The following TSPAN31 variants were observed in gnomAD, a reference collection of about 807,000 sequenced individuals.
The protein encoded by TSPAN31 is tetraspanin 31, also known as tetraspanin-31.
In TSPAN31, 16 loss-of-function variants were observed where a neutral mutation model predicts 24.8. The ratio of observed to expected loss-of-function variants is 0.64; its 90% CI spans 0.44 to 0.98. TSPAN31 has a LOEUF of 0.98. Among genes scored for constraint, TSPAN31 ranks in the 50% least tolerant of loss-of-function variants. The pLI, the probability that TSPAN31 is intolerant of heterozygous loss-of-function variation, is 0.00. For synonymous variants in TSPAN31, 87 were observed against 91.4 expected, an observed-to-expected ratio of 0.95 and a Z score of 0.27; for missense variants, 209 against 251.6, an observed-to-expected ratio of 0.83 and a Z score of 1.15.
At position 57,746,626 on chromosome 12, in the gene TSPAN31, A is replaced by G; in HGVS notation, c.350A>G (p.Asn117Ser). The G allele has an allele frequency of 6.2e-7, 1 of 1,614,212 alleles. No individual in the cohort carries two copies. Among genetic ancestry groups the G allele is most frequent in the Non-Finnish European group, 8.5e-7 (1 of 1,180,046 alleles). Residue 117 changes from asparagine (N) to serine (S), a missense_variant, in exon 4 of 6, where the codon AAC becomes AGC. Asn to Ser is a conservative substitution (Grantham distance 46, BLOSUM62 1). Coordinates refer to ENST00000257910, the MANE Select transcript of TSPAN31 (RefSeq NM_005981.5). ...AATGCTTCTTGGTGGGTCATGAGCA[A>G]CAAGACTCGGGATGAACTGGAAAGA... ...VINASWWVMSNKTRDELERSF... is the reference protein window; with the variant it reads ...VINASWWVMSSKTRDELERSF...
rs1955211741 is a variant in TSPAN31, at chr12:57,749,827, T to C, written c.*2537T>C. On this transcript the variant is annotated 3_prime_UTR_variant, in exon 6 of 6. Coordinates refer to ENST00000257910, the MANE Select transcript of TSPAN31 (RefSeq NM_005981.5). ...TCCTGGCCAACATGGTGAAACCCTG[T>C]CATTACTAAAAGTACAAAAATTAGC... The C allele has an allele frequency of 5.1e-6, 2 of 395,382 alleles. No homozygotes were observed. Among genetic ancestry groups the C allele is most frequent in the African/African-American group, 4.1e-5 (2 of 48,802 alleles). The allele number at this position is 395,382 out of a possible 1,614,324, so 24.5% of individuals were successfully genotyped here. A position where few individuals can be genotyped will look rare whatever the true frequency, so the allele number is the denominator to read the frequency against.
intron 4 of TSPAN31, 146 bp from the exon 5 acceptor site, chr12:57,746,872 T>C: frequency 1.5e-6 from 2 of 1,358,590 alleles, no homozygotes; most frequent in Non-Finnish European, 1.0e-6. Context: ...TGGGGGTGGA[T>C]AGAGGCTGGG....
rs2140382614 is a variant in TSPAN31, at chr12:57,749,184, G to C, written c.*1894G>C. 1 of 1,613,982 alleles carries C rather than the reference G, an allele frequency of 6.2e-7. No homozygotes were observed. Among genetic ancestry groups the C allele is most frequent in the Non-Finnish European group, 8.5e-7 (1 of 1,179,856 alleles). ...GTGCCCACAGCCATCTCCAGTACCAGCAGCAGCTGTGCTCCCGACTCCTCC... is the reference window on the plus strand; with the variant it reads ...GTGCCCACAGCCATCTCCAGTACCACCAGCAGCTGTGCTCCCGACTCCTCC... On this transcript the variant is annotated 3_prime_UTR_variant, in exon 6 of 6. Coordinates refer to ENST00000257910, the MANE Select transcript of TSPAN31 (RefSeq NM_005981.5).
chr12:57,748,975 G>A lies in TSPAN31; in HGVS notation c.*1685G>A. On this transcript the variant is annotated 3_prime_UTR_variant, in exon 6 of 6. Transcript: ENST00000257910. ...CCCACCTTGGCCTCCCAAAGTGCTG[G>A]GATTACAGGCGTGAGCCACCGTGCC... 1.5e-6 allele frequency: 1 copy of A among 663,930 alleles called. No individual in the cohort carries two copies. The allele number at this position is 663,930 out of a possible 1,614,324, so 41.1% of individuals were successfully genotyped here. A position where few individuals can be genotyped will look rare whatever the true frequency, so the allele number is the denominator to read the frequency against.
At position 57,748,702 on chromosome 12, in the gene TSPAN31, TTTTTTC is replaced by T. The variant is rs779738316; in HGVS notation, c.*1418_*1423del. The T allele has an allele frequency of 1.7e-5, 15 of 898,576 alleles. No individual in the cohort carries two copies. Among genetic ancestry groups the T allele is most frequent in the Non-Finnish European group, 2.5e-5 (14 of 553,222 alleles). 55.7% of individuals were successfully genotyped at this position (898,576 alleles called of 1,614,324 possible). ...ACAATACCTGGGATGAGCTTTCTTC[TTTTTTC>T]TTTTTTTTTTTTTTTGAGACGGAGT... On this transcript the variant is annotated 3_prime_UTR_variant, in exon 6 of 6. Transcript: ENST00000257910.
In TSPAN31 at chr12:57,745,900, CCTG is replaced by C; in HGVS notation, c.223_225del (p.Leu75del). Reference sequence around the variant, plus strand: ...TGGGTGCTGTCAACCACCACCAAGTCCTGCTGTTCTTTGTATCCTGACCTGAAG... The same window carrying C: ...TGGGTGCTGTCAACCACCACCAAGTCCTGTTCTTTGTATCCTGACCTGAAG... On this transcript the variant is annotated inframe_deletion, in exon 2 of 6. Coordinates refer to ENST00000257910, the MANE Select transcript of TSPAN31 (RefSeq NM_005981.5). 6.2e-7 allele frequency: 1 copy of C among 1,605,130 alleles called. No homozygotes were observed.
intron 1 of TSPAN31, 190 bp from the exon 2 acceptor site, chr12:57,745,555 G>A (rs1194013842): frequency 1.5e-6 from 1 of 674,518 alleles, no homozygotes; most frequent in Non-Finnish European, 2.5e-6. Flanking sequence ...CCCCCTCCCC[G>A]CCATCCTAGC....
In TSPAN31 at chr12:57,748,260, T is replaced by A; in HGVS notation, c.*970T>A. 2.5e-6 allele frequency: 1 copy of A among 405,124 alleles called. No homozygotes were observed. The highest frequency in any genetic ancestry group is 4.6e-6 in the Non-Finnish European group (1 of 219,682). 25.1% of individuals were successfully genotyped at this position (405,124 alleles called of 1,614,324 possible). ...AGACCATTATTTCTTTGTTTTGTTT[T>A]TCCTGTATAAAAAAGGACCCCAAAT... On this transcript the variant is annotated 3_prime_UTR_variant, in exon 6 of 6. Transcript: ENST00000257910.
Position 57,747,296 on chromosome 12 carries a change from T to C in TSPAN31, c.*6T>C, listed in dbSNP as rs200277218. 1.9e-6 allele frequency: 3 copies of C among 1,613,580 alleles called. No individual in the cohort carries two copies. The highest frequency in any genetic ancestry group is 1.1e-5 in the South Asian group (1 of 91,082). ...ACCCCAGTGCCTTTCTATGAGACTT[T>C]GGATCCTTCTGACTTTTCTTCTGCT... On this transcript the variant is annotated 3_prime_UTR_variant, in exon 6 of 6. Transcript: ENST00000257910.
rs775883099 is a variant in TSPAN31, at chr12:57,745,786, G to A, written c.105G>A (p.Lys35=). The A allele has an allele frequency of 3.7e-6, 6 of 1,613,470 alleles. No homozygotes were observed. Among genetic ancestry groups the A allele is most frequent in the Admixed American group, 1.7e-5 (1 of 59,670 alleles). The change falls in exon 2 of 6, where the codon AAG becomes AAA. Residue 35 remains lysine, a synonymous_variant. Coordinates refer to ENST00000257910, the MANE Select transcript of TSPAN31 (RefSeq NM_005981.5). ...LLLIGVAAWG[K]GLGLVSSIHI... ...TCATTGGAGTGGCTGCTTGGGGCAA[G>A]GGCCTGGGTCTGGTGTCCAGCATCC... is the stretch of plus-strand genomic sequence containing the variant.
chr12:57,746,630 G>C lies in TSPAN31; in HGVS notation c.354G>C (p.Lys118Asn). The C allele has an allele frequency of 6.2e-7, 1 of 1,614,114 alleles. No individual in the cohort carries two copies. Among genetic ancestry groups the C allele is most frequent in the Non-Finnish European group, 8.5e-7 (1 of 1,180,026 alleles). ...INASWWVMSN[K>N]TRDELERSFD... ...CTTCTTGGTGGGTCATGAGCAACAA[G>C]ACTCGGGATGAACTGGAAAGAAGTT... Residue 118 changes from lysine to asparagine, a missense_variant, in exon 4 of 6, where the codon AAG becomes AAC. Physicochemically the swap from Lys to Asn is moderately conservative, Grantham distance 94. Transcript: ENST00000257910.
At chr12:57,745,308 G>A in intron 1 of TSPAN31, 91 bp downstream of exon 1, 1 of 1,409,874 alleles carries the variant, frequency 7.1e-7, no homozygotes, top group Non-Finnish European at 9.7e-7. Context: ...GGGGTGTATG[G>A]GGGTTCCGGG....
Position 57,748,862 on chromosome 12 carries a change from C to T in TSPAN31, c.*1572C>T. ...CTGAGATTACAGGCGTGTGCCACCA[C>T]CCCCGGCTTATTTTTGTACTTTTAG... On this transcript the variant is annotated 3_prime_UTR_variant, in exon 6 of 6. Transcript: ENST00000257910. 1 of 548,986 alleles carries T rather than the reference C, an allele frequency of 1.8e-6. No individual in the cohort carries two copies. The allele number at this position is 548,986 out of a possible 1,614,324, so 34.0% of individuals were successfully genotyped here.
chr12:57,749,228 T>A lies in TSPAN31; in HGVS notation c.*1938T>A. The A allele has an allele frequency of 1.2e-6, 2 of 1,614,052 alleles. No homozygotes were observed. Among genetic ancestry groups the A allele is most frequent in the Non-Finnish European group, 1.7e-6 (2 of 1,179,904 alleles). The stretch of plus-strand genomic sequence containing the variant: ...CTCCTCCATCTCAGGTACCACCGAC[T>A]GCACTGGGCGGGGCCCTCTGGGGGG... On this transcript the variant is annotated 3_prime_UTR_variant, in exon 6 of 6. Coordinates refer to ENST00000257910, the MANE Select transcript of TSPAN31 (RefSeq NM_005981.5).
At position 57,749,408 on chromosome 12, in the gene TSPAN31, G is replaced by C. The variant is rs756523031; in HGVS notation, c.*2118G>C. The C allele has an allele frequency of 2.5e-6, 4 of 1,613,292 alleles. No individual in the cohort carries two copies. Among genetic ancestry groups the C allele is most frequent in the African/African-American group, 1.3e-5 (1 of 75,044 alleles). On this transcript the variant is annotated 3_prime_UTR_variant, in exon 6 of 6. Transcript: ENST00000257910. ...GTTGCCATCCTGGGTTCAGCAGAAAGAGGACTCAGAATAGAAAATCTTTTT... is the reference window on the plus strand; with the variant it reads ...GTTGCCATCCTGGGTTCAGCAGAAACAGGACTCAGAATAGAAAATCTTTTT...
chr12:57,749,218 TACCACCG>T lies in TSPAN31; in HGVS notation c.*1931_*1937del. ...GTGCTCCCGACTCCTCCATCTCAGG[TACCACCG>T]ACTGCACTGGGCGGGGCCCTCTGGG... On this transcript the variant is annotated 3_prime_UTR_variant, in exon 6 of 6. Transcript: ENST00000257910. 1 of 1,613,976 alleles carries T rather than the reference TACCACCG, an allele frequency of 6.2e-7. No homozygotes were observed. The highest frequency in any genetic ancestry group is 8.5e-7 in the Non-Finnish European group (1 of 1,179,868).
rs894805872 is a variant in TSPAN31, at chr12:57,748,803, T to G, written c.*1513T>G. 1 of 588,916 alleles carries G rather than the reference T, an allele frequency of 1.7e-6. No homozygotes were observed. Among genetic ancestry groups the G allele is most frequent in the Non-Finnish European group, 3.0e-6 (1 of 330,438 alleles). 36.5% of individuals were successfully genotyped at this position (588,916 alleles called of 1,614,324 possible). A position where few individuals can be genotyped will look rare whatever the true frequency, so the allele number is the denominator to read the frequency against. The stretch of plus-strand genomic sequence containing the variant: ...TCACTGCAACCTCCGCCTCCTGAGT[T>G]GAAGTGATTCTCCTATCTCAGCCTC... On this transcript the variant is annotated 3_prime_UTR_variant, in exon 6 of 6. Coordinates refer to ENST00000257910, the MANE Select transcript of TSPAN31 (RefSeq NM_005981.5).
At position 57,749,938 on chromosome 12, in the gene TSPAN31, A is replaced by C. The variant is rs1371886948; in HGVS notation, c.*2648A>C. On this transcript the variant is annotated 3_prime_UTR_variant, in exon 6 of 6. Coordinates refer to ENST00000257910, the MANE Select transcript of TSPAN31 (RefSeq NM_005981.5). ...CTTGAATCTGGGAGGTGGAGGTTGCAGTGAGCAGAGATCGCACTACTGCAC... is the reference window on the plus strand; with the variant it reads ...CTTGAATCTGGGAGGTGGAGGTTGCCGTGAGCAGAGATCGCACTACTGCAC... The C allele has an allele frequency of 2.7e-5, 7 of 262,580 alleles. No homozygotes were observed. The highest frequency in any genetic ancestry group is 4.5e-5 in the Non-Finnish European group (6 of 134,510). 16.3% of individuals were successfully genotyped at this position (262,580 alleles called of 1,614,324 possible). A position where few individuals can be genotyped will look rare whatever the true frequency, so the allele number is the denominator to read the frequency against.
chr12:57,745,631 TCA>T lies in TSPAN31; in HGVS notation c.64-108_64-107del, dbSNP rs143745274. On this transcript the variant is annotated intron_variant, in intron 1 of 5. Transcript: ENST00000257910. Reference sequence around the variant, plus strand: ...GGATAGCACCATCCCCAGCTCCCATTCACACACTATTCCATTATTCCTTCCCC... The same window carrying T: ...GGATAGCACCATCCCCAGCTCCCATTCACACTATTCCATTATTCCTTCCCC... The T allele has an allele frequency of 6.3e-3, 8,414 of 1,342,558 alleles. 440 individuals carry two copies. The African/African-American group carries it at 0.11, about 18-fold the overall frequency. The allele number at this position is 1,342,558 out of a possible 1,614,324, so 83.2% of individuals were successfully genotyped here.
Sources: gnomAD v4.1 joint callset for allele counts on GRCh38, gnomAD v4.1.1 for gene constraint, MANE v1.5 for transcripts, NCBI Gene and HGNC (gene_info 2026-07-23, HGNC 2026-07-21) for gene names.